Variants in RASAL2 observed in about 807,000 individuals in gnomAD.
The protein encoded by RASAL2 is RAS protein activator like 2, also known as ras GTPase-activating protein nGAP.
RASAL2 carries 58 observed loss-of-function variants against 128.9 expected under a neutral mutation model. That is an observed-to-expected ratio of 0.45 (90% confidence interval 0.36 to 0.56). The LOEUF (loss-of-function observed/expected upper bound fraction) is 0.56, where lower values mean the gene tolerates loss of function less well. RASAL2 is among the 20% of genes least tolerant of loss of function. The pLI, the probability that RASAL2 is intolerant of heterozygous loss-of-function variation, is 0.00. For synonymous variants in RASAL2, 561 were observed against 580.8 expected (o/e 0.97, Z 0.49); for missense variants, 1,360 against 1,601.6 (o/e 0.85, Z 2.57).
intron 1 of RASAL2, among the ~76,000 whole-genome samples, chr1:178,268,452 G>A (rs1666090920): frequency 6.6e-6 from 1 of 151,992 alleles, no homozygotes; most frequent in African/African-American, 2.4e-5. Context: ...TGGCAACAGA[G>A]CGAGCCTCCA....
intron 1 of RASAL2, among the ~76,000 whole-genome samples, chr1:178,198,732 C>T (rs999517961): frequency 6.6e-6 from 1 of 152,140 alleles, no homozygotes; most frequent in Non-Finnish European, 1.5e-5. Context: ...GTCAGTTGGC[C>T]CCTGCTGGGA....
chr1:178,178,406 C>T (rs1372767885), intron 1 of RASAL2, among the ~76,000 whole-genome samples: 2 of 151,954 alleles, frequency 1.3e-5, no homozygotes, highest in Non-Finnish European at 1.5e-5. Flanking sequence ...TAATATATTT[C>T]TAGACAGATT....
chr1:178,124,401 G>A (rs1659820618), intron 1 of RASAL2, among the ~76,000 whole-genome samples: 1 of 152,108 alleles, frequency 6.6e-6, no homozygotes. Flanking sequence ...AGTGCATGGT[G>A]CCCCTCATAC....
In RASAL2 at chr1:178,094,205, C is replaced by T. The variant is rs1433034721; in HGVS notation, c.-288C>T. On this transcript the variant is annotated 5_prime_UTR_variant, in exon 1 of 18. Coordinates refer to ENST00000367649, the MANE Select transcript of RASAL2 (RefSeq NM_170692.4). The stretch of plus-strand genomic sequence containing the variant: ...CCTCCCGGGTTCTTCTGCGTCCTCT[C>T]CCGGGAGGGACCCACACACACCTGA... 1 of 448,120 alleles carries T rather than the reference C, an allele frequency of 2.2e-6. No homozygotes were observed. The highest frequency in any genetic ancestry group is 3.9e-6 in the Non-Finnish European group (1 of 254,530). The allele number at this position is 448,120 out of a possible 1,614,324, so 27.8% of individuals were successfully genotyped here. A position where few individuals can be genotyped will look rare whatever the true frequency, so the allele number is the denominator to read the frequency against.
At chr1:178,216,684 G>A (rs1260499997) in intron 1 of RASAL2, among the ~76,000 whole-genome samples, 1 of 152,168 alleles carries the variant, frequency 6.6e-6, no homozygotes, top group Non-Finnish European at 1.5e-5. Context: ...CTGTTGCTCA[G>A]GCTGAAGTGC....
chr1:178,345,069 G>C lies in RASAL2; in HGVS notation c.457+44951G>C, dbSNP rs1420300536. Among the ~76,000 whole-genome samples the C allele has an allele frequency of 2.0e-5, 3 of 152,042 alleles. No homozygotes were observed. The East Asian group carries it at 5.8e-4, about 29-fold the overall frequency. ...CAGATGAAGGCCTTTGTCCTCTCTG[G>C]TACCCTCCTTGCCCCTACTCAAACC... is the stretch of plus-strand genomic sequence containing the variant. On this transcript the variant is annotated intron_variant, in intron 3 of 17. Transcript: ENST00000367649.
chr1:178,392,197 T>C (rs886952762), intron 4 of RASAL2, among the ~76,000 whole-genome samples: 18 of 152,156 alleles, frequency 1.2e-4, no homozygotes, highest in Non-Finnish European at 2.4e-4. Flanking sequence ...CATAAAGAGA[T>C]AAGTGAGCAT....
In RASAL2 at chr1:178,133,488, T is replaced by C. The variant is rs75799564; in HGVS notation, c.202+38794T>C. 6.6e-5 allele frequency among the ~76,000 whole-genome samples: 10 copies of C among 151,566 alleles called. No homozygotes were observed. In the South Asian group the frequency reaches 8.3e-4, roughly 13 times the overall value. ...AACATTCTGCTCCCTGTTACTTCTT[T>C]TTTTTTTTTTTTTAAATTACTTTGT... On this transcript the variant is annotated intron_variant, in intron 1 of 17. Transcript: ENST00000367649.
Position 178,457,049 on chromosome 1 carries a change from A to G in RASAL2, c.2390+150A>G, listed in dbSNP as rs935408495. 5 of 704,380 alleles carry G rather than the reference A, an allele frequency of 7.1e-6. No individual in the cohort carries two copies. The African/African-American group carries it at 7.2e-5, about 10-fold the overall frequency. The allele number at this position is 704,380 out of a possible 1,614,324, so 43.6% of individuals were successfully genotyped here. On this transcript the variant is annotated intron_variant, in intron 13 of 17. Coordinates refer to ENST00000367649, the MANE Select transcript of RASAL2 (RefSeq NM_170692.4). ...CCTGAGAGCAGTCCAATTATTTGTC[A>G]TAATAATGCACAAGATCTGGGATGA...
chr1:178,189,478 C>T (rs539869738), intron 1 of RASAL2, among the ~76,000 whole-genome samples: 20 of 152,202 alleles, frequency 1.3e-4, no homozygotes, highest in East Asian at 3.9e-4. Flanking sequence ...AAAAATTTAA[C>T]GAATACATTT....
chr1:178,380,900 A>G (rs1557943722), intron 3 of RASAL2, among the ~76,000 whole-genome samples: 1 of 152,352 alleles, frequency 6.6e-6, no homozygotes, highest in East Asian at 1.9e-4. Context: ...TAAAACGCAT[A>G]TAATCAAAGA....
chr1:178,432,378 A>G (rs1245795162), intron 5 of RASAL2, among the ~76,000 whole-genome samples: 4 of 151,838 alleles, frequency 2.6e-5, no homozygotes, highest in Admixed American at 6.6e-5. Context: ...ACCTTTCTTG[A>G]GATCCCTCTT....
intron 10 of RASAL2, 40 bp downstream of exon 10, chr1:178,451,755 A>G (rs764761390): frequency 1.3e-6 from 2 of 1,591,526 alleles, no homozygotes; most frequent in African/African-American, 1.3e-5. Context: ...TTTTTCATGT[A>G]AAGGTCATCA....
chr1:178,428,811 A>C (rs757169204), intron 5 of RASAL2, among the ~76,000 whole-genome samples: 6 of 152,090 alleles, frequency 3.9e-5, no homozygotes, highest in Admixed American at 1.3e-4. Context: ...CAGCCAAACC[A>C]GTTACAGGCA....
Position 178,473,163 on chromosome 1 carries a change from G to A in RASAL2, c.3767G>A (p.Arg1256His), listed in dbSNP as rs1198085532. Residue 1256 changes from arginine to histidine, a missense_variant, in exon 18 of 18, where the codon CGC becomes CAC. Coordinates refer to ENST00000367649, the MANE Select transcript of RASAL2 (RefSeq NM_170692.4). ...AAGGAGCGGTACAGCATGCAGGTCCGCAATGGCATCTCCCCCACCAACCCC... is the reference window on the plus strand; with the variant it reads ...AAGGAGCGGTACAGCATGCAGGTCCACAATGGCATCTCCCCCACCAACCCC... Reference protein sequence around the residue: ...QVKERYSMQVRNGISPTNPTK... With the variant: ...QVKERYSMQVHNGISPTNPTK... The A allele has an allele frequency of 1.1e-5, 17 of 1,614,020 alleles. No homozygotes were observed. Among genetic ancestry groups the A allele is most frequent in the East Asian group, 4.5e-5 (2 of 44,892 alleles).
intron 8 of RASAL2, among the ~76,000 whole-genome samples, chr1:178,444,362 C>T (rs999346633): frequency 6.6e-6 from 1 of 152,098 alleles, no homozygotes; most frequent in Non-Finnish European, 1.5e-5. Flanking sequence ...CAAGAGTTTC[C>T]TCCTGTCTCT....
Position 178,476,867 on chromosome 1 carries a change from T to C in RASAL2, c.*3628T>C, listed in dbSNP as rs1648710112. On this transcript the variant is annotated 3_prime_UTR_variant, in exon 18 of 18. Transcript: ENST00000367649. Reference sequence around the variant, plus strand: ...AAGTCCCAGAGCAAAATAACTGCCATCAAGTGAGTTTGCATTCGTATTTGT... The same window carrying C: ...AAGTCCCAGAGCAAAATAACTGCCACCAAGTGAGTTTGCATTCGTATTTGT... The C allele has an allele frequency of 6.6e-6, 1 of 152,196 alleles. No individual in the cohort carries two copies. The highest frequency in any genetic ancestry group is 2.4e-5 in the African/African-American group (1 of 41,430). The allele number at this position is 152,196 out of a possible 1,614,324, so 9.4% of individuals were successfully genotyped here. A position where few individuals can be genotyped will look rare whatever the true frequency, so the allele number is the denominator to read the frequency against.
At chr1:178,158,626 G>A (rs1661165235) in intron 1 of RASAL2, among the ~76,000 whole-genome samples, 2 of 152,192 alleles carry the variant, frequency 1.3e-5, no homozygotes, top group African/African-American at 4.8e-5. Flanking sequence ...TCCATAAATG[G>A]TAGTGATTCT....
At chr1:178,293,464 AT>A (rs1409772976) in intron 2 of RASAL2, among the ~76,000 whole-genome samples, 2 of 152,202 alleles carry the variant, frequency 1.3e-5, no homozygotes, top group African/African-American at 4.8e-5. Context: ...CAGTCCTTAG[AT>A]CTAAAAGCTT....
Sources: allele counts gnomAD v4.1 joint callset (sites outside exome capture counted in the v4.1 genomes callset), GRCh38; gene constraint gnomAD v4.1.1; transcripts MANE v1.5; gene names NCBI Gene and HGNC (gene_info 2026-07-23, HGNC 2026-07-21).